Variants in SFTPD observed in about 807,000 individuals in gnomAD.
SFTPD encodes the protein surfactant protein D.
A neutral mutation model predicts 34.6 loss-of-function variants in SFTPD; 18 were observed. That is an observed-to-expected ratio of 0.52 (90% CI 0.36 to 0.77). The LOEUF is 0.77. Among genes scored for constraint, SFTPD ranks in the 30% least tolerant of loss-of-function variants. The pLI is 0.00. For missense variants in SFTPD, 433 were observed against 468.9 expected, an observed-to-expected ratio of 0.92 and a Z score of 0.71; for synonymous variants, 155 against 180.9, an observed-to-expected ratio of 0.86 and a Z score of 1.15.
At chr10:79,940,884 A>C in intron 6 of SFTPD, 96 bp from the exon 7 acceptor site, 1 of 796,012 alleles carries the variant, frequency 1.3e-6, no homozygotes, top group East Asian at 2.5e-5. Flanking sequence ...AGTTTCGGGC[A>C]CATATTGTGG....
upstream of SFTPD, among the ~76,000 whole-genome samples, chr10:79,953,556 G>C (rs1357000676): frequency 6.6e-6 from 1 of 151,504 alleles, no homozygotes; most frequent in Non-Finnish European, 1.5e-5. Context: ...TTCTCCTGCT[G>C]CTTTCAATTT....
chr10:79,975,106 T>C (rs1842857555), intron 1 of SFTPD, among the ~76,000 whole-genome samples: 1 of 152,184 alleles, frequency 6.6e-6, no homozygotes, highest in Non-Finnish European at 1.5e-5. Context: ...CACTCTCTCA[T>C]CTAGCTTGCT....
intron 1 of SFTPD, among the ~76,000 whole-genome samples, chr10:79,964,221 A>G (rs1194168972): frequency 1.3e-5 from 2 of 152,186 alleles, no homozygotes; most frequent in African/African-American, 4.8e-5. Context: ...CCATACTGTT[A>G]TATGGGCAGA....
At chr10:79,943,540 A>G (rs1197585725) in intron 2 of SFTPD, among the ~76,000 whole-genome samples, 2 of 152,096 alleles carry the variant, frequency 1.3e-5, no homozygotes, top group Non-Finnish European at 2.9e-5. Flanking sequence ...AGGAGAATCG[A>G]GGGAGATTTG....
chr10:79,951,353 A>AT (rs544757709), upstream of SFTPD, among the ~76,000 whole-genome samples: 3 of 151,668 alleles, frequency 2.0e-5, no homozygotes, highest in South Asian at 4.2e-4. Context: ...TTTGAATGGG[A>AT]TTTTTTCCCC....
chr10:79,947,346 A>G (rs1842675736), intron 1 of SFTPD, among the ~76,000 whole-genome samples: 1 of 152,200 alleles, frequency 6.6e-6, no homozygotes, highest in South Asian at 2.1e-4. Flanking sequence ...GCAGTAGGAG[A>G]AATCCTGAGA....
chr10:79,957,257 A>G (rs1042569089), intron 1 of SFTPD, among the ~76,000 whole-genome samples: 4 of 152,202 alleles, frequency 2.6e-5, no homozygotes, highest in Admixed American at 2.6e-4. Context: ...TCCTCCTCCA[A>G]AGGAATGCAG....
intron 1 of SFTPD, among the ~76,000 whole-genome samples, chr10:79,959,108 C>T (rs1377339313): frequency 6.6e-5 from 10 of 151,080 alleles, no homozygotes; most frequent in African/African-American, 2.4e-4. Context: ...AGAACAAAGA[C>T]ACAACATACC....
chr10:79,958,037 A>G (rs1200658866), intron 1 of SFTPD, among the ~76,000 whole-genome samples: 1 of 152,206 alleles, frequency 6.6e-6, no homozygotes, highest in Non-Finnish European at 1.5e-5. Context: ...AGAATTTCAT[A>G]TCCAGTCAAA....
intron 5 of SFTPD, among the ~76,000 whole-genome samples, chr10:79,941,748 CTT>C (rs1842613638): frequency 6.6e-6 from 1 of 152,166 alleles, no homozygotes; most frequent in Non-Finnish European, 1.5e-5. Flanking sequence ...TGTATACAGA[CTT>C]CTCCATTGCT....
At chr10:79,958,471 A>G (rs1842752946) in intron 1 of SFTPD, among the ~76,000 whole-genome samples, 1 of 142,362 alleles carries the variant, frequency 7.0e-6, no homozygotes, top group Admixed American at 7.0e-5. Context: ...AATGGAAAAC[A>G]AAAAAAGGCA....
chr10:79,954,405 C>G (rs890213177), intron 1 of SFTPD, among the ~76,000 whole-genome samples: 2 of 151,050 alleles, frequency 1.3e-5, no homozygotes, highest in Middle Eastern at 6.8e-3. Context: ...CATGTGTGTG[C>G]TTGCTGCAGG....
chr10:79,941,923 C>G, intron 5 of SFTPD, 31 bp downstream of exon 5: 1 of 1,447,148 alleles, frequency 6.9e-7, no homozygotes, highest in Non-Finnish European at 9.7e-7. Context: ...AGAACTGGAC[C>G]CAGCCCAGCC....
At chr10:79,960,991 G>A (rs1350017182) in intron 1 of SFTPD, among the ~76,000 whole-genome samples, 16 of 152,188 alleles carry the variant, frequency 1.1e-4, no homozygotes, top group South Asian at 2.1e-4. Context: ...AAATAATGCC[G>A]CATATCTGCA....
intron 5 of SFTPD, 28 bp downstream of exon 5, chr10:79,941,926 G>C (rs770895287): frequency 6.8e-7 from 1 of 1,473,442 alleles, no homozygotes; most frequent in South Asian, 1.1e-5. Flanking sequence ...ACTGGACCCA[G>C]CCCAGCCCAG....
At chr10:79,942,358 T>C in intron 4 of SFTPD, 30 bp downstream of exon 4, 2 of 1,458,330 alleles carry the variant, frequency 1.4e-6, no homozygotes, top group Non-Finnish European at 1.9e-6. Context: ...TCCTTTCCCT[T>C]CTCAGACTGG....
chr10:79,948,129 G>A (rs1241737686), intron 1 of SFTPD, among the ~76,000 whole-genome samples: 1 of 152,190 alleles, frequency 6.6e-6, no homozygotes, highest in East Asian at 1.9e-4. Flanking sequence ...TATCCTGGTA[G>A]TCTCTAGAAA....
At chr10:79,981,556 A>G (rs1341082238) in intron 1 of SFTPD, among the ~76,000 whole-genome samples, 1 of 152,130 alleles carries the variant, frequency 6.6e-6, no homozygotes, top group Non-Finnish European at 1.5e-5. Context: ...AGCCCAGCCC[A>G]GGGGGAGCGA....
intron 7 of SFTPD, among the ~76,000 whole-genome samples, chr10:79,940,118 C>G (rs2132491915): frequency 6.6e-6 from 1 of 152,318 alleles, no homozygotes; most frequent in South Asian, 2.1e-4. Context: ...GCCTTGTACC[C>G]CCAGAGCAGA....
Sources: allele counts gnomAD v4.1 joint callset (sites outside exome capture counted in the v4.1 genomes callset), GRCh38; gene constraint gnomAD v4.1.1; transcripts MANE v1.5; gene names NCBI Gene and HGNC (gene_info 2026-07-23, HGNC 2026-07-21).